Variants in ZAP70 observed in about 807,000 individuals in gnomAD.
ZAP70 encodes tyrosine-protein kinase ZAP-70.
ZAP70 carries 27 observed loss-of-function variants against 65.8 expected under a neutral mutation model. The ratio of observed to expected loss-of-function variants is 0.41; its 90% confidence interval spans 0.30 to 0.57. The LOEUF (loss-of-function observed/expected upper bound fraction) is 0.57. Among genes scored for constraint, ZAP70 ranks in the 20% least tolerant of loss-of-function variants. The pLI is 0.28. For synonymous variants in ZAP70, 363 were observed against 360.8 expected (o/e 1.01, Z -0.07); for missense variants, 696 against 870.5 (o/e 0.80, Z 2.52).
chr2:97,734,820 C>T, intron 9 of ZAP70, 108 bp downstream of exon 9: 2 of 1,454,124 alleles, frequency 1.4e-6, no homozygotes, highest in Admixed American at 1.7e-5. Flanking sequence ...AGCAGTTTGC[C>T]TGGGAAACAG....
chr2:97,716,839 G>T (rs1023442484), intron 2 of ZAP70, among the ~76,000 whole-genome samples: 3 of 152,118 alleles, frequency 2.0e-5, no homozygotes, highest in Non-Finnish European at 4.4e-5. Context: ...ATGGCATGAC[G>T]GGGGCCAGCA....
intron 2 of ZAP70, among the ~76,000 whole-genome samples, chr2:97,719,225 A>G (rs1359566313): frequency 1.3e-5 from 2 of 151,926 alleles, no homozygotes; most frequent in Admixed American, 6.6e-5. Context: ...CAGTTGGTGG[A>G]GATCAAAGGA....
At chr2:97,751,281 G>A in the ZAP70 span, among the ~76,000 whole-genome samples, 10 of 152,192 alleles carry the variant, frequency 6.6e-5, no homozygotes, top group Non-Finnish European at 1.2e-4. Context: ...TGTAGATCAC[G>A]TAGAGGCGGG....
At chr2:97,749,288 C>G in the ZAP70 span, among the ~76,000 whole-genome samples, 1 of 152,210 alleles carries the variant, frequency 6.6e-6, no homozygotes, top group Admixed American at 6.5e-5. Context: ...GGATTGCAGG[C>G]ATGAGGCACC....
chr2:97,755,735 C>T, the ZAP70 span, among the ~76,000 whole-genome samples: 2 of 152,056 alleles, frequency 1.3e-5, no homozygotes, highest in South Asian at 4.1e-4. Flanking sequence ...TGTGCCCCTG[C>T]TGTCTTCCCT....
the ZAP70 span, among the ~76,000 whole-genome samples, chr2:97,745,790 C>T: frequency 8.5e-5 from 13 of 152,234 alleles, no homozygotes; most frequent in South Asian, 1.9e-3. Context: ...ACCATCGACC[C>T]GGCAGTTCAC....
At chr2:97,720,389 G>A (rs34250439) in intron 2 of ZAP70, among the ~76,000 whole-genome samples, 22,462 of 152,048 alleles carry the variant, frequency 0.15, 2,245 homozygotes, top group Middle Eastern at 0.27. Context: ...CACCACGCCC[G>A]ACTAATTTTT....
At chr2:97,718,663 G>A (rs1677045122) in intron 2 of ZAP70, among the ~76,000 whole-genome samples, 2 of 152,142 alleles carry the variant, frequency 1.3e-5, no homozygotes, top group African/African-American at 4.8e-5. Context: ...CCCTGGGCTG[G>A]GCACTGAGCC....
At chr2:97,725,631 G>T (rs924178194) in intron 4 of ZAP70, among the ~76,000 whole-genome samples, 1 of 152,224 alleles carries the variant, frequency 6.6e-6, no homozygotes, top group Non-Finnish European at 1.5e-5. Flanking sequence ...AAGACACAGT[G>T]CCTGTCCTCA....
the ZAP70 span, among the ~76,000 whole-genome samples, chr2:97,753,913 TG>T: frequency 1.3e-5 from 2 of 152,234 alleles, no homozygotes; most frequent in African/African-American, 4.8e-5. Flanking sequence ...TGCTTGGGCC[TG>T]GAAGTTCAGG....
chr2:97,746,085 T>C, the ZAP70 span, among the ~76,000 whole-genome samples: 60 of 152,252 alleles, frequency 3.9e-4, no homozygotes, highest in African/African-American at 1.4e-3. Context: ...ACAAACATCG[T>C]ATGGTTCCAC....
chr2:97,718,453 T>C (rs78413771), intron 2 of ZAP70, among the ~76,000 whole-genome samples: 6,583 of 152,214 alleles, frequency 0.043, 445 homozygotes, highest in African/African-American at 0.14. Flanking sequence ...TTGGGCCCCA[T>C]GTTTTACTAG....
At chr2:97,754,047 A>G in the ZAP70 span, among the ~76,000 whole-genome samples, 1 of 152,198 alleles carries the variant, frequency 6.6e-6, no homozygotes, top group Admixed American at 6.5e-5. Flanking sequence ...TACAACCTGT[A>G]ATTTTAAATT....
Position 97,715,044 on chromosome 2 carries a change from A to T in ZAP70, c.-22+1050A>T, listed in dbSNP as rs889195940. ...TGTATCCACACTGCCCGGCACATAC[A>T]GGTGCTGCAGAAAGGTCTCACTAAA... On this transcript the variant is annotated intron_variant, in intron 2 of 13. Transcript: ENST00000264972. This position sits in a 1 kb window ranked among gnomAD's most constrained non-coding sequence, Gnocchi z 4.1. Among the ~76,000 whole-genome samples the T allele has an allele frequency of 1.3e-5, 2 of 152,118 alleles. No individual in the cohort carries two copies. Among genetic ancestry groups the T allele is most frequent in the Non-Finnish European group, 2.9e-5 (2 of 68,000 alleles).
At chr2:97,719,556 G>GC (rs1347718530) in intron 2 of ZAP70, among the ~76,000 whole-genome samples, 2 of 151,248 alleles carry the variant, frequency 1.3e-5, no homozygotes, top group Non-Finnish European at 2.9e-5. Flanking sequence ...AACAGCCTGG[G>GC]GGGGGGGCGC....
At chr2:97,747,783 T>G in the ZAP70 span, among the ~76,000 whole-genome samples, 1 of 148,890 alleles carries the variant, frequency 6.7e-6, no homozygotes, top group South Asian at 2.1e-4. Context: ...GTCAGAAGAG[T>G]GTCTATTGGA....
Position 97,735,404 on chromosome 2 carries a change from G to T in ZAP70, c.1237G>T (p.Val413Phe). 6.2e-7 allele frequency: 1 copy of T among 1,614,000 alleles called. No homozygotes were observed. Among genetic ancestry groups the T allele is most frequent in the Non-Finnish European group, 8.5e-7 (1 of 1,179,910 alleles). The change falls in exon 10 of 14, where the codon GTC becomes TTC. Residue 413 changes from valine to phenylalanine, a missense_variant. Val to Phe is a conservative substitution (Grantham distance 50). Around this residue, in one of 3 missense-constraint regions of ZAP70, gnomAD observed 551 missense variants for 630.0 expected, o/e 0.87. Transcript: ENST00000264972. ...GVCQAEALML[V>F]MEMAGGGPLH... Reference sequence around the variant, plus strand: ...CTGCCAGGCCGAGGCCCTCATGCTGGTCATGGAGATGGCTGGGGGCGGGCC... The same window carrying T: ...CTGCCAGGCCGAGGCCCTCATGCTGTTCATGGAGATGGCTGGGGGCGGGCC...
At chr2:97,717,727 T>C (rs550521456) in intron 2 of ZAP70, among the ~76,000 whole-genome samples, 2 of 152,384 alleles carry the variant, frequency 1.3e-5, no homozygotes, top group South Asian at 4.1e-4. Context: ...GCCTTTAATG[T>C]GCTTTTCACA....
chr2:97,730,124 G>A (rs1410906028), intron 4 of ZAP70, among the ~76,000 whole-genome samples: 1 of 152,200 alleles, frequency 6.6e-6, no homozygotes, highest in African/African-American at 2.4e-5. Flanking sequence ...CTACTTGGGA[G>A]GCTGAGGCAA....
Sources: gnomAD v4.1 joint callset for allele counts (sites outside exome capture counted in the v4.1 genomes callset) on GRCh38, gnomAD v4.1.1 for gene constraint, gnomAD v4.1.1 regional missense constraint, Gnocchi (gnomAD v3.1) non-coding constraint, MANE v1.5 for transcripts, NCBI Gene and HGNC (gene_info 2026-07-23, HGNC 2026-07-21) for gene names.